CNKSR3: variants seen among roughly 807,000 people sequenced by gnomAD.
The protein encoded by CNKSR3 is CNKSR family member 3.
Under a neutral mutation model 67.7 loss-of-function variants are expected in CNKSR3, and 36 were observed. The observed-to-expected ratio is 0.53, with a 90% CI of 0.41 to 0.70. The LOEUF (loss-of-function observed/expected upper bound fraction) is 0.70, where lower values mean the gene tolerates loss of function less well. Ranked by LOEUF, CNKSR3 falls within the 30% of genes least tolerant of loss-of-function variation. The pLI is 0.00. For missense variants in CNKSR3, 630 were observed against 695.2 expected, an observed-to-expected ratio of 0.91 and a Z score of 1.05; for synonymous variants, 281 against 271.4, an observed-to-expected ratio of 1.04 and a Z score of -0.35.
intron 1 of CNKSR3, among the ~76,000 whole-genome samples, chr6:154,463,319 C>T (rs1374961750): frequency 1.3e-5 from 2 of 151,920 alleles, no homozygotes; most frequent in Non-Finnish European, 1.5e-5. Context: ...GTGATCGGCC[C>T]GCCTCGGCCT....
chr6:154,505,297 A>T (rs1582909118), intron 1 of CNKSR3, among the ~76,000 whole-genome samples: 1 of 107,950 alleles, frequency 9.3e-6, no homozygotes, highest in Admixed American at 8.1e-5. Context: ...TGTGTCATAA[A>T]CAAATAGACA....
In CNKSR3 at chr6:154,397,959, G is replaced by A. The variant is rs1392077181; in HGVS notation, c.*8395C>T. On this transcript the variant is annotated 3_prime_UTR_variant, in exon 13 of 13. Coordinates refer to ENST00000607772, the MANE Select transcript of CNKSR3 (RefSeq NM_173515.4). ...GAACAGGATTGAATTTCGCTAAAAAGACAAAGGAAGAAAAAGTATGGTCTC... is the reference window on the plus strand; with the variant it reads ...GAACAGGATTGAATTTCGCTAAAAAAACAAAGGAAGAAAAAGTATGGTCTC... The A allele has an allele frequency of 6.6e-6, 1 of 152,322 alleles. No homozygotes were observed. The highest frequency in any genetic ancestry group is 2.4e-5 in the African/African-American group (1 of 41,476). The allele number at this position is 152,322 out of a possible 1,614,324, so 9.4% of individuals were successfully genotyped here.
At chr6:154,468,675 A>G (rs1786261492) in intron 1 of CNKSR3, among the ~76,000 whole-genome samples, 2 of 152,216 alleles carry the variant, frequency 1.3e-5, no homozygotes, top group South Asian at 4.2e-4. Context: ...CACTTAGTAA[A>G]TAACTACTGA....
chr6:154,451,168 G>A (rs1785818165), intron 1 of CNKSR3, among the ~76,000 whole-genome samples: 1 of 152,108 alleles, frequency 6.6e-6, no homozygotes, highest in Non-Finnish European at 1.5e-5. Context: ...CAAACACTAT[G>A]GCCAAAAGTG....
chr6:154,460,432 A>C (rs1452462969), intron 1 of CNKSR3, among the ~76,000 whole-genome samples: 1 of 152,258 alleles, frequency 6.6e-6, no homozygotes, highest in Admixed American at 6.5e-5. Flanking sequence ...ATCTCACAGC[A>C]GACATTAAAA....
At chr6:154,419,481 C>G (rs1210794472) in intron 9 of CNKSR3, among the ~76,000 whole-genome samples, 1 of 152,154 alleles carries the variant, frequency 6.6e-6, no homozygotes, top group African/African-American at 2.4e-5. Flanking sequence ...GGAATGGCTA[C>G]TATCAAAACA....
At chr6:154,437,443 T>C (rs1274332959) in intron 4 of CNKSR3, among the ~76,000 whole-genome samples, 4 of 143,548 alleles carry the variant, frequency 2.8e-5, no homozygotes, top group African/African-American at 1.0e-4. Flanking sequence ...AGATGGAGTT[T>C]CAGTCTTTCA....
intron 9 of CNKSR3, among the ~76,000 whole-genome samples, chr6:154,418,421 T>C (rs532285647): frequency 5.9e-5 from 9 of 152,312 alleles, no homozygotes; most frequent in Admixed American, 2.0e-4. Flanking sequence ...TCTATCTATG[T>C]TTTGTGGGCG....
At chr6:154,470,750 T>C (rs1310180077) in intron 1 of CNKSR3, among the ~76,000 whole-genome samples, 2 of 152,208 alleles carry the variant, frequency 1.3e-5, no homozygotes, top group East Asian at 1.9e-4. Flanking sequence ...TGAACATTCA[T>C]GTATAGGTTT....
rs1784670810 is a variant in CNKSR3 at position 154,397,247 on chromosome 6, A to T, written c.*9107T>A. On this transcript the variant is annotated 3_prime_UTR_variant, in exon 13 of 13. Transcript: ENST00000607772. ...GTGCTTCAGTGGCATTCTTTCATTG[A>T]GGAGAAATCTGCAGAAGGGTAGCAC... 1 of 152,236 alleles carries T rather than the reference A, an allele frequency of 6.6e-6. No homozygotes were observed. Among genetic ancestry groups the T allele is most frequent in the Admixed American group, 6.5e-5 (1 of 15,290 alleles). 9.4% of individuals were successfully genotyped at this position (152,236 alleles called of 1,614,324 possible).
chr6:154,457,772 C>T (rs1785989849), intron 1 of CNKSR3, among the ~76,000 whole-genome samples: 1 of 152,184 alleles, frequency 6.6e-6, no homozygotes, highest in African/African-American at 2.4e-5. Context: ...AATTCATCCT[C>T]TATCATTCCA....
chr6:154,508,128 G>T (rs1787139994), intron 1 of CNKSR3, among the ~76,000 whole-genome samples: 1 of 152,166 alleles, frequency 6.6e-6, no homozygotes, highest in Admixed American at 6.5e-5. Flanking sequence ...TGCTACAGCA[G>T]AACTGTCCAA....
At chr6:154,456,876 T>C (rs1785971323) in intron 1 of CNKSR3, among the ~76,000 whole-genome samples, 2 of 152,128 alleles carry the variant, frequency 1.3e-5, no homozygotes, top group South Asian at 4.1e-4. Flanking sequence ...AGATACTCTC[T>C]ACTGGAAATC....
rs966675644 is a variant in CNKSR3, at chr6:154,450,257, C to A, written c.54G>T (p.Gly18=). Residue 18 remains glycine (G), a splice_region_variant and synonymous_variant, in exon 2 of 13, where the codon GGG becomes GGT. Transcript: ENST00000607772. ...SPKQVVDWTR[G]LDDCLQQYVH... ...CATATTGTTGCAGGCAGTCATCCAA[C>A]CCTGCCAAAAACAATCAGAAGTCCC... 6.2e-7 allele frequency: 1 copy of A among 1,613,528 alleles called. No homozygotes were observed. The highest frequency in any genetic ancestry group is 1.1e-5 in the South Asian group (1 of 90,950).
rs755679827 is a variant in CNKSR3 at position 154,441,281 on chromosome 6, A to G, written c.507+11T>C. On this transcript the variant is annotated intron_variant, in intron 4 of 12. Transcript: ENST00000607772. ...AAAAAAAAAAGAAAGTGAAAATGAC[A>G]TACTACTGACCTTCTGGACTGTAGT... 4 of 1,528,724 alleles carry G rather than the reference A, an allele frequency of 2.6e-6. No individual in the cohort carries two copies. The highest frequency in any genetic ancestry group is 2.4e-5 in the South Asian group (2 of 83,198). The allele number at this position is 1,528,724 out of a possible 1,614,324, so 94.7% of individuals were successfully genotyped here.
chr6:154,501,016 G>A (rs1269285708), intron 1 of CNKSR3, among the ~76,000 whole-genome samples: 1 of 152,200 alleles, frequency 6.6e-6, no homozygotes, highest in African/African-American at 2.4e-5. Context: ...GAACAAGGCA[G>A]AAAGACAGAG....
In CNKSR3 at chr6:154,492,765, A is replaced by C. The variant is rs535267522; in HGVS notation, c.52+17298T>G. 8.0e-3 allele frequency among the ~76,000 whole-genome samples: 1,208 copies of C among 151,026 alleles called. 25 individuals are homozygous for C. Among genetic ancestry groups the C allele is most frequent in the African/African-American group, 0.028 (1,172 of 41,228 alleles). On this transcript the variant is annotated intron_variant, in intron 1 of 12. Transcript: ENST00000607772. ...TGTCTCAAAAAAAAAAAAACAAAAAACAAAAAAAAAAACAACACAGATCTT... is the reference window on the plus strand; with the variant it reads ...TGTCTCAAAAAAAAAAAAACAAAAACCAAAAAAAAAAACAACACAGATCTT...
intron 1 of CNKSR3, among the ~76,000 whole-genome samples, chr6:154,507,745 A>G (rs938560745): frequency 6.6e-6 from 1 of 152,216 alleles, no homozygotes; most frequent in Non-Finnish European, 1.5e-5. Context: ...TATGTAACCT[A>G]GTAAGTATCG....
intron 1 of CNKSR3, among the ~76,000 whole-genome samples, chr6:154,451,497 ATACATGCACACACACGCG>A (rs1785829185): frequency 3.5e-4 from 5 of 14,344 alleles, no homozygotes; most frequent in East Asian, 0.013. Context: ...GCACACACGC[ATACATGCACACACACGCG>A]CACACTCGTG....
Sources: allele counts gnomAD v4.1 joint callset (sites outside exome capture counted in the v4.1 genomes callset), GRCh38; gene constraint gnomAD v4.1.1; transcripts MANE v1.5; gene names NCBI Gene and HGNC (gene_info 2026-07-23, HGNC 2026-07-21).